TRRAP: variants seen among roughly 807,000 people sequenced by gnomAD.
The protein encoded by TRRAP is transformation/transcription domain associated protein.
In TRRAP, 41 loss-of-function variants were observed where a neutral mutation model predicts 438.8. That is an observed-to-expected ratio of 0.09 (90% CI 0.07 to 0.12). TRRAP has a LOEUF of 0.12. TRRAP is among the 10% of genes least tolerant of loss of function. The pLI is 1.00. For missense variants in TRRAP, 3,122 were observed against 5,055.1 expected (o/e 0.62, Z 11.60); for synonymous variants, 1,994 against 1,962.9 (o/e 1.02, Z -0.42).
chr7:98,913,949 A>T (rs1016188942), intron 18 of TRRAP, among the ~76,000 whole-genome samples: 1 of 152,224 alleles, frequency 6.6e-6, no homozygotes, highest in Non-Finnish European at 1.5e-5. Context: ...TTCTTGGGAA[A>T]ATCTGAAGAT....
intron 19 of TRRAP, among the ~76,000 whole-genome samples, chr7:98,917,082 T>C (rs1789550354): frequency 6.6e-6 from 1 of 152,184 alleles, no homozygotes; most frequent in Non-Finnish European, 1.5e-5. Context: ...AAAATTAGTT[T>C]TAAAAACTGT....
At position 98,959,412 on chromosome 7, in the gene TRRAP, G is replaced by T; in HGVS notation, c.6411G>T (p.Leu2137=). ...TCTCTCGCCGGTGTGTGAACCTTCTGAAGACTGCGTTGCGGCCAGACATGT... is the reference window on the plus strand; with the variant it reads ...TCTCTCGCCGGTGTGTGAACCTTCTTAAGACTGCGTTGCGGCCAGACATGT... The part of the protein sequence containing the change: ...EVLSRRCVNL[L]KTALRPDMWP... Residue 2137 remains leucine, a synonymous_variant, in exon 45 of 73, where the codon CTG becomes CTT. Coordinates refer to ENST00000456197, the MANE Select transcript of TRRAP (RefSeq NM_001375524.1). The T allele has an allele frequency of 6.2e-7, 1 of 1,614,108 alleles. No individual in the cohort carries two copies. The highest frequency in any genetic ancestry group is 1.1e-5 in the South Asian group (1 of 91,080).
In TRRAP at chr7:98,953,537, AC is replaced by A. The variant is rs557403978; in HGVS notation, c.5730+106del. 1.1e-3 allele frequency: 1,543 copies of A among 1,462,674 alleles called. 5 individuals carry two copies. Among genetic ancestry groups the A allele is most frequent in the Admixed American group, 2.5e-3 (122 of 48,188 alleles). The allele number at this position is 1,462,674 out of a possible 1,614,324, so 90.6% of individuals were successfully genotyped here. A position where few individuals can be genotyped will look rare whatever the true frequency, so the allele number is the denominator to read the frequency against. On this transcript the variant is annotated intron_variant, in intron 40 of 72. Coordinates refer to ENST00000456197, the MANE Select transcript of TRRAP (RefSeq NM_001375524.1). ...GCCTCTCCTGTTGTCTTCTCCCAAA[AC>A]CAATAAAAACCATGAAAACACAGAC... is the stretch of plus-strand genomic sequence containing the variant.
intron 6 of TRRAP, 137 bp downstream of exon 6, chr7:98,894,018 C>CTTTATGAGTTT: frequency 1.3e-6 from 1 of 748,876 alleles, no homozygotes; most frequent in South Asian, 1.8e-5. Flanking sequence ...TGGGGCAATT[C>CTTTATGAGTTT]TTTATGAGTT....
intron 23 of TRRAP, among the ~76,000 whole-genome samples, chr7:98,928,455 C>T (rs1270094107): frequency 6.6e-6 from 1 of 152,144 alleles, no homozygotes; most frequent in Non-Finnish European, 1.5e-5. Context: ...CTTTTCTTGG[C>T]CTGACGGGTC....
chr7:99,004,396 T>A lies in TRRAP; in HGVS notation c.10516T>A (p.Tyr3506Asn). ...GEFLMPKPTH[Y>N]YIKIARFMPR... ...GTTTCTGATGCCAAAGCCAACGCAT[T>A]ATTACATCAAGATTGCACGGTGAGT... is the stretch of plus-strand genomic sequence containing the variant. The change falls in exon 68 of 73, where the codon TAT becomes AAT. Residue 3506 changes from tyrosine to asparagine, a missense_variant. Tyr to Asn is a moderately radical substitution (Grantham distance 143). This residue lies in a region of TRRAP where 95 missense variants were observed against 144.1 expected (regional missense o/e 0.66). Transcript: ENST00000456197. 1 of 1,614,006 alleles carries A rather than the reference T, an allele frequency of 6.2e-7. No homozygotes were observed. The highest frequency in any genetic ancestry group is 8.5e-7 in the Non-Finnish European group (1 of 1,179,988).
chr7:98,951,275 A>G (rs1182145616), intron 39 of TRRAP, among the ~76,000 whole-genome samples: 1 of 152,200 alleles, frequency 6.6e-6, no homozygotes, highest in African/African-American at 2.4e-5. Flanking sequence ...ATAGATCTCA[A>G]TGAAAATTCA....
At chr7:98,879,662 G>T (rs1795329109) in intron 1 of TRRAP, among the ~76,000 whole-genome samples, 1 of 152,182 alleles carries the variant, frequency 6.6e-6, no homozygotes, top group African/African-American at 2.4e-5. Context: ...AGGTCCCCTA[G>T]CAGGGCTTGA....
chr7:98,931,872 C>T (rs1790341744), intron 26 of TRRAP, among the ~76,000 whole-genome samples: 1 of 152,040 alleles, frequency 6.6e-6, no homozygotes, highest in Non-Finnish European at 1.5e-5. Flanking sequence ...AACTTATGCA[C>T]ATATTCTGTG....
In TRRAP at chr7:98,976,135, C is replaced by T; in HGVS notation, c.7840-14C>T. 1.2e-6 allele frequency: 2 copies of T among 1,613,536 alleles called. No homozygotes were observed. Among genetic ancestry groups the T allele is most frequent in the Non-Finnish European group, 1.7e-6 (2 of 1,179,736 alleles). ...GCCCGTGGCCATCTCAGCCTGTTGT[C>T]TTTCTGTTCATAGACTGGAGCGCTG... On this transcript the variant is annotated splice_polypyrimidine_tract_variant and intron_variant, in intron 53 of 72. Transcript: ENST00000456197. The surrounding 1 kb of genome is among the most constrained non-coding windows in gnomAD (Gnocchi z 4.6).
At chr7:98,955,023 G>C in intron 40 of TRRAP, 75 bp from the exon 41 acceptor site, 9 of 1,465,718 alleles carry the variant, frequency 6.1e-6, no homozygotes, top group Non-Finnish European at 7.4e-6. Context: ...AGCATGTCTT[G>C]ACACCAAGGG....
intron 19 of TRRAP, among the ~76,000 whole-genome samples, chr7:98,916,437 G>A (rs1339210488): frequency 2.6e-5 from 4 of 152,194 alleles, no homozygotes; most frequent in African/African-American, 9.6e-5. Context: ...TGTGCTGATT[G>A]GAAACACTGT....
In TRRAP at chr7:98,908,996, C is replaced by T. The variant is rs782513293; in HGVS notation, c.1350+34C>T. 6.5e-7 allele frequency: 1 copy of T among 1,543,734 alleles called. No individual in the cohort carries two copies. On this transcript the variant is annotated intron_variant, in intron 14 of 72. Transcript: ENST00000456197. This position sits in a 1 kb window ranked among gnomAD's most constrained non-coding sequence, Gnocchi z 4.1. The stretch of plus-strand genomic sequence containing the variant: ...TCTTCTGAGAGTATCATCCATCCTG[C>T]ACTCTATCCTGTTTGTGGCTAAATT...
intron 70 of TRRAP, among the ~76,000 whole-genome samples, chr7:99,009,427 G>A (rs1189959721): frequency 4.6e-5 from 7 of 152,192 alleles, no homozygotes; most frequent in Non-Finnish European, 7.4e-5. Flanking sequence ...CCCAGGGCAC[G>A]GCAGGGCCCG....
In TRRAP at chr7:98,971,779, C is replaced by T. The variant is rs1313000427; in HGVS notation, c.7693-20C>T. The T allele has an allele frequency of 3.1e-6, 5 of 1,608,446 alleles. No homozygotes were observed. Among genetic ancestry groups the T allele is most frequent in the Non-Finnish European group, 4.2e-6 (5 of 1,177,614 alleles). ...TGAAGCCTTTGACCTTTTGGTTTTG[C>T]TTGCTGCTTTGTTTCTTAGGATGTA... On this transcript the variant is annotated intron_variant, in intron 52 of 72. Coordinates refer to ENST00000456197, the MANE Select transcript of TRRAP (RefSeq NM_001375524.1).
At chr7:98,897,140 C>T (rs953834730) in intron 7 of TRRAP, among the ~76,000 whole-genome samples, 7 of 152,060 alleles carry the variant, frequency 4.6e-5, no homozygotes, top group Admixed American at 3.9e-4. Context: ...GAGGCTGAGG[C>T]GGGAGAATCA....
rs576368245 is a variant in TRRAP at position 98,881,515 on chromosome 7, T to C, written c.100+265T>C. 5 of 288,498 alleles carry C rather than the reference T, an allele frequency of 1.7e-5. No homozygotes were observed. In the East Asian group the frequency reaches 3.0e-4, roughly 17 times the overall value. 17.9% of individuals were successfully genotyped at this position (288,498 alleles called of 1,614,324 possible). ...TGAACCCAGGAGGCAGAGGTTGCAG[T>C]GAGCTGAGATCGCACCACTGCACTC... On this transcript the variant is annotated intron_variant, in intron 2 of 72. Transcript: ENST00000456197.
intron 21 of TRRAP, among the ~76,000 whole-genome samples, chr7:98,924,831 G>C (rs1242803645): frequency 6.7e-6 from 1 of 150,158 alleles, no homozygotes; most frequent in Non-Finnish European, 1.5e-5. Context: ...GTGAAACCCC[G>C]ACTCTACTAA....
chr7:99,011,232 C>A lies in TRRAP; in HGVS notation c.11119C>A (p.Pro3707Thr), dbSNP rs766142206. 6.2e-7 allele frequency: 1 copy of A among 1,614,144 alleles called. No individual in the cohort carries two copies. Among genetic ancestry groups the A allele is most frequent in the Non-Finnish European group, 8.5e-7 (1 of 1,180,034 alleles). Residue 3707 changes from proline to threonine, a missense_variant, in exon 71 of 73, where the codon CCC (proline) becomes ACC (threonine). This residue lies in a region of TRRAP where 192 missense variants were observed against 355.6 expected (regional missense o/e 0.54). Transcript: ENST00000456197. The surrounding 1 kb of genome is among the most constrained non-coding windows in gnomAD (Gnocchi z 7.1). ...EFVLHLNRLNPEMLQIAQDTG... is the reference protein window; with the variant it reads ...EFVLHLNRLNTEMLQIAQDTG... ...CGTCCTGCATTTAAATAGACTCAAC[C>A]CCGAGATGTTACAGATCGCTCAGGT...
Sources: gnomAD v4.1 joint callset for allele counts (sites outside exome capture counted in the v4.1 genomes callset) on GRCh38, gnomAD v4.1.1 for gene constraint, gnomAD v4.1.1 regional missense constraint, Gnocchi (gnomAD v3.1) non-coding constraint, MANE v1.5 for transcripts, NCBI Gene and HGNC (gene_info 2026-07-23, HGNC 2026-07-21) for gene names.